The following PCDHA4 variants were observed in gnomAD, a reference collection of about 807,000 sequenced individuals.
The protein encoded by PCDHA4 is protocadherin alpha 4.
A neutral mutation model predicts 61.4 loss-of-function variants in PCDHA4; 49 were observed. The ratio of observed to expected loss-of-function variants is 0.80; its 90% CI spans 0.63 to 1.01. PCDHA4 has a LOEUF of 1.01. Ranked by LOEUF, PCDHA4 falls within the 50% of genes least tolerant of loss-of-function variation. The pLI, the probability that PCDHA4 is intolerant of heterozygous loss-of-function variation, is 0.00. For missense variants in PCDHA4, 1,254 were observed against 1,235.8 expected (o/e 1.01, Z -0.22); for synonymous variants, 590 against 550.3 (o/e 1.07, Z -1.01).
intron 1 of PCDHA4, chr5:140,883,153 A>G (rs1268982674): frequency 2.5e-6 from 4 of 1,614,120 alleles, no homozygotes; most frequent in Non-Finnish European, 8.5e-7. Flanking sequence ...CATTTACCAT[A>G]AATCCGAACA....
chr5:140,880,848 T>C (rs557784006), intron 1 of PCDHA4, among the ~76,000 whole-genome samples: 31 of 152,258 alleles, frequency 2.0e-4, no homozygotes, highest in African/African-American at 7.0e-4. Flanking sequence ...TGGTTGACTA[T>C]GTAGTCTAAT....
intron 1 of PCDHA4, chr5:140,926,516 G>C: frequency 5.0e-6 from 1 of 198,082 alleles, no homozygotes; most frequent in Non-Finnish European, 1.0e-5. Context: ...CCCAGGCTCC[G>C]CCCTGCGCCC....
intron 3 of PCDHA4, among the ~76,000 whole-genome samples, chr5:140,994,938 C>T (rs2097656507): frequency 6.6e-6 from 1 of 152,232 alleles, no homozygotes; most frequent in East Asian, 1.9e-4. Context: ...CCTTAAACAT[C>T]CTGCTAAATA....
At position 141,010,329 on chromosome 5, in the gene PCDHA4, GTTTGTGGCCACTGGGTA is replaced by G. The variant is rs1554262887; in HGVS notation, c.*394_*410del. The G allele has an allele frequency of 1.9e-6, 3 of 1,538,554 alleles. No individual in the cohort carries two copies. The East Asian group carries it at 7.3e-5, about 38-fold the overall frequency. ...AGTTTTGAGATTGAGCAGCTTGGGA[GTTTGTGGCCACTGGGTA>G]TGTGTGGCTACCGCGGGTATGCGAG... On this transcript the variant is annotated 3_prime_UTR_variant, in exon 4 of 4. Coordinates refer to ENST00000530339, the MANE Select transcript of PCDHA4 (RefSeq NM_018907.4).
At chr5:140,823,503 G>A in intron 1 of PCDHA4, 1 of 1,613,406 alleles carries the variant, frequency 6.2e-7, no homozygotes, top group South Asian at 1.1e-5. Flanking sequence ...GCGGCGCAGT[G>A]AGCGAGCTGG....
intron 1 of PCDHA4, among the ~76,000 whole-genome samples, chr5:140,838,563 G>C (rs1007641143): frequency 1.3e-5 from 2 of 151,752 alleles, no homozygotes; most frequent in African/African-American, 4.9e-5. Flanking sequence ...ATCCAGTACT[G>C]TATTAGGGAC....
At chr5:140,986,427 G>A (rs937088313) in intron 3 of PCDHA4, among the ~76,000 whole-genome samples, 19 of 152,186 alleles carry the variant, frequency 1.2e-4, no homozygotes, top group African/African-American at 4.6e-4. Context: ...TTAACTTCAT[G>A]AGTACTAATG....
intron 1 of PCDHA4, chr5:140,857,767 C>T: frequency 6.3e-7 from 1 of 1,597,458 alleles, no homozygotes; most frequent in Non-Finnish European, 8.6e-7. Context: ...GCAGCGCGGG[C>T]GGTGCAGTCA....
chr5:140,978,721 A>C (rs2096819896), intron 1 of PCDHA4, among the ~76,000 whole-genome samples: 1 of 152,236 alleles, frequency 6.6e-6, no homozygotes, highest in African/African-American at 2.4e-5. Flanking sequence ...CAAGATTATT[A>C]AATCTGGTCT....
intron 1 of PCDHA4, chr5:140,863,388 C>T: frequency 1.0e-6 from 1 of 1,000,142 alleles, no homozygotes; most frequent in Non-Finnish European, 1.5e-6. Context: ...AGAGCTCGTG[C>T]ATGCCGGGCA....
chr5:140,990,304 A>C (rs114506238), intron 3 of PCDHA4, among the ~76,000 whole-genome samples: 1 of 152,168 alleles, frequency 6.6e-6, no homozygotes, highest in African/African-American at 2.4e-5. Context: ...CATTGTCTGT[A>C]AAAAACCAAC....
At chr5:140,822,648 A>C (rs1554128795) in intron 1 of PCDHA4, 2 of 1,609,920 alleles carry the variant, frequency 1.2e-6, no homozygotes, top group Non-Finnish European at 1.7e-6. Flanking sequence ...TAAAGTCCAA[A>C]TTTATAATTA....
Position 140,807,858 on chromosome 5 carries a change from G to A in PCDHA4, c.671G>A (p.Gly224Asp). Residue 224 changes from glycine (G) to aspartate (D), a missense_variant, in exon 1 of 4, where the codon GGC (glycine) becomes GAC (aspartate). Physicochemically the swap from Gly to Asp is moderately conservative, Grantham distance 94. Transcript: ENST00000530339. ...GATGGAGGCAAACCCGAGTTGACTG[G>A]CACCGTTCAGTTACTCATCACAGTA... Reference protein sequence around the residue: ...ATDGGKPELTGTVQLLITVLD... With the variant: ...ATDGGKPELTDTVQLLITVLD... The A allele has an allele frequency of 6.2e-7, 1 of 1,614,144 alleles. No individual in the cohort carries two copies. Among genetic ancestry groups the A allele is most frequent in the South Asian group, 1.1e-5 (1 of 91,076 alleles).
At chr5:140,997,044 T>C (rs2097756836) in intron 3 of PCDHA4, among the ~76,000 whole-genome samples, 1 of 152,180 alleles carries the variant, frequency 6.6e-6, no homozygotes, top group South Asian at 2.1e-4. Flanking sequence ...TGAACTTTAC[T>C]TTTTAGAGCA....
intron 1 of PCDHA4, chr5:140,834,639 G>C (rs2150223224): frequency 3.1e-6 from 5 of 1,614,100 alleles, no homozygotes; most frequent in African/African-American, 1.3e-5. Context: ...CATTTTGTTT[G>C]TGAATTCTCG....
intron 1 of PCDHA4, among the ~76,000 whole-genome samples, chr5:140,941,284 TTCTCTTTC>T (rs1330714341): frequency 4.0e-5 from 5 of 124,574 alleles, no homozygotes; most frequent in African/African-American, 1.4e-4. Context: ...CTTCCTTCCT[TTCTCTTTC>T]TTTCTTTCTT....
chr5:140,814,613 T>C (rs1765552557), intron 1 of PCDHA4: 1 of 152,222 alleles, frequency 6.6e-6, no homozygotes, highest in Admixed American at 6.5e-5. Flanking sequence ...TCTTGTACTT[T>C]TATATAACTG....
At chr5:140,896,450 C>G (rs1009231622) in intron 1 of PCDHA4, among the ~76,000 whole-genome samples, 5 of 152,092 alleles carry the variant, frequency 3.3e-5, no homozygotes, top group Admixed American at 1.3e-4. Flanking sequence ...GCAACCTCCA[C>G]CTCCTGGGTT....
intron 1 of PCDHA4, among the ~76,000 whole-genome samples, chr5:140,846,696 G>A (rs1487069290): frequency 1.3e-5 from 2 of 149,188 alleles, no homozygotes; most frequent in African/African-American, 2.5e-5. Context: ...TTAGCAAGTA[G>A]AGAAGATTGT....
Sources: gnomAD v4.1 joint callset for allele counts (sites outside exome capture counted in the v4.1 genomes callset) on GRCh38, gnomAD v4.1.1 for gene constraint, MANE v1.5 for transcripts, NCBI Gene and HGNC (gene_info 2026-07-23, HGNC 2026-07-21) for gene names.